The following CADM2 variants were observed in gnomAD, a reference collection of about 807,000 sequenced individuals.
CADM2 encodes cell adhesion molecule 2.
CADM2 carries 12 observed loss-of-function variants against 49.8 expected under a neutral mutation model. The ratio of observed to expected loss-of-function variants is 0.24; its 90% confidence interval spans 0.15 to 0.39. The LOEUF is 0.39. Ranked by LOEUF, CADM2 falls within the 10% of genes least tolerant of loss-of-function variation. The probability of loss-of-function intolerance (pLI) is 1.00; values close to 1 mark genes in which losing one functional copy is unlikely to be tolerated. For synonymous variants in CADM2, 214 were observed against 175.4 expected (o/e 1.22, Z -1.74); for missense variants, 378 against 492.3 (o/e 0.77, Z 2.20).
At chr3:85,882,308 C>T (rs1436176197) in intron 3 of CADM2, among the ~76,000 whole-genome samples, 1 of 152,128 alleles carries the variant, frequency 6.6e-6, no homozygotes, top group African/African-American at 2.4e-5. Flanking sequence ...AAGGCTCCTA[C>T]TTCATTCTCC....
intron 1 of CADM2, among the ~76,000 whole-genome samples, chr3:85,111,150 A>C (rs1208443543): frequency 6.6e-6 from 1 of 151,906 alleles, no homozygotes; most frequent in Non-Finnish European, 1.5e-5. Flanking sequence ...CCTTCTTGTT[A>C]ATATTTCAAA....
intron 2 of CADM2, among the ~76,000 whole-genome samples, chr3:85,786,345 A>G (rs552480946): frequency 2.6e-5 from 4 of 152,122 alleles, no homozygotes; most frequent in Non-Finnish European, 5.9e-5. Flanking sequence ...GTAGAAATCT[A>G]TACAAAGTAC....
At chr3:85,523,774 G>A (rs892176976) in intron 1 of CADM2, among the ~76,000 whole-genome samples, 1 of 151,836 alleles carries the variant, frequency 6.6e-6, no homozygotes, top group Admixed American at 6.6e-5. Context: ...CATTATTAAA[G>A]TATAGAACAA....
intron 3 of CADM2, among the ~76,000 whole-genome samples, chr3:85,864,729 T>C (rs960074007): frequency 2.0e-5 from 3 of 152,252 alleles, no homozygotes; most frequent in Non-Finnish European, 4.4e-5. Context: ...TCTTACTTTA[T>C]GTCAATGGAA....
chr3:85,804,937 T>C (rs1030467797), intron 3 of CADM2, among the ~76,000 whole-genome samples: 3 of 152,156 alleles, frequency 2.0e-5, no homozygotes, highest in African/African-American at 7.2e-5. Flanking sequence ...TGTTGAAGTA[T>C]GCACTTTTTT....
chr3:85,392,778 T>C (rs535825033), intron 1 of CADM2, among the ~76,000 whole-genome samples: 3 of 152,268 alleles, frequency 2.0e-5, no homozygotes, highest in Non-Finnish European at 2.9e-5. Context: ...TTAAATCCTA[T>C]ACTTAATAAA....
At chr3:85,940,388 T>C (rs1356217106) in intron 7 of CADM2, among the ~76,000 whole-genome samples, 1 of 151,906 alleles carries the variant, frequency 6.6e-6, no homozygotes, top group Non-Finnish European at 1.5e-5. Context: ...TTTCTTAGCC[T>C]AACATGTACC....
At chr3:85,929,334 A>G (rs1720305480) in intron 6 of CADM2, among the ~76,000 whole-genome samples, 1 of 152,100 alleles carries the variant, frequency 6.6e-6, no homozygotes, top group African/African-American at 2.4e-5. Flanking sequence ...ATCATTTGAA[A>G]TATGTTTAAA....
chr3:85,532,134 G>A (rs1223357356), intron 1 of CADM2, among the ~76,000 whole-genome samples: 3 of 152,058 alleles, frequency 2.0e-5, no homozygotes, highest in Non-Finnish European at 4.4e-5. Context: ...CCGAGATCCC[G>A]CCATTGCACT....
intron 1 of CADM2, among the ~76,000 whole-genome samples, chr3:85,079,723 A>G (rs1355988999): frequency 6.6e-6 from 1 of 151,960 alleles, no homozygotes; most frequent in Non-Finnish European, 1.5e-5. Context: ...AAAAAAAATT[A>G]CATAGCAATA....
At chr3:85,068,128 T>A (rs576702580) in intron 1 of CADM2, among the ~76,000 whole-genome samples, 1 of 152,324 alleles carries the variant, frequency 6.6e-6, no homozygotes, top group East Asian at 1.9e-4. Flanking sequence ...CATTTCCATG[T>A]CCTGATGTTG....
At chr3:85,535,246 A>G (rs1294027975) in intron 1 of CADM2, among the ~76,000 whole-genome samples, 2 of 152,166 alleles carry the variant, frequency 1.3e-5, no homozygotes, top group African/African-American at 4.8e-5. Flanking sequence ...AAAACAACAA[A>G]CATTACAAAG....
chr3:85,876,172 G>C (rs140821359), intron 3 of CADM2, among the ~76,000 whole-genome samples: 1 of 152,132 alleles, frequency 6.6e-6, no homozygotes, highest in African/African-American at 2.4e-5. Context: ...AGTCTTATGA[G>C]TGTAAATGTT....
At chr3:85,585,089 A>G (rs1046551180) in intron 1 of CADM2, among the ~76,000 whole-genome samples, 1 of 151,968 alleles carries the variant, frequency 6.6e-6, no homozygotes, top group African/African-American at 2.4e-5. Flanking sequence ...TGCCATTCTG[A>G]GCAGCGTAAT....
chr3:85,967,345 A>G (rs1725605935), intron 8 of CADM2, among the ~76,000 whole-genome samples: 1 of 151,676 alleles, frequency 6.6e-6, no homozygotes, highest in Non-Finnish European at 1.5e-5. Context: ...TCCATCTATC[A>G]TATTTTTCAA....
rs972295720 is a variant in CADM2, at chr3:85,521,864, G to A, written c.62-204658G>A. Reference sequence around the variant, plus strand: ...GTATTCTTGGTGGTGATACTCAGTAGCTGAAAATGAATGCTGCACTGAACC... The same window carrying A: ...GTATTCTTGGTGGTGATACTCAGTAACTGAAAATGAATGCTGCACTGAACC... On this transcript the variant is annotated intron_variant, in intron 1 of 9. Transcript: ENST00000383699. Among the ~76,000 whole-genome samples, 37 of 152,026 alleles carry A rather than the reference G, an allele frequency of 2.4e-4. 1 individual carries two copies. Among genetic ancestry groups the A allele is most frequent in the Non-Finnish European group, 5.9e-5 (4 of 67,994 alleles).
chr3:85,689,312 T>G (rs1446584770), intron 1 of CADM2, among the ~76,000 whole-genome samples: 1 of 152,210 alleles, frequency 6.6e-6, no homozygotes, highest in Non-Finnish European at 1.5e-5. Context: ...CAGTTCATTG[T>G]ATATAATTTT....
intron 2 of CADM2, among the ~76,000 whole-genome samples, chr3:85,766,961 C>G (rs2069686242): frequency 6.6e-6 from 1 of 152,026 alleles, no homozygotes; most frequent in Non-Finnish European, 1.5e-5. Context: ...CACTTTTTGT[C>G]ATAGATTAGC....
chr3:85,218,479 A>T (rs914869872), intron 1 of CADM2, among the ~76,000 whole-genome samples: 2 of 152,116 alleles, frequency 1.3e-5, no homozygotes, highest in African/African-American at 2.4e-5. Flanking sequence ...AGAGAAATGT[A>T]CTTATATCAT....
Sources: allele counts gnomAD v4.1 joint callset (sites outside exome capture counted in the v4.1 genomes callset), GRCh38; gene constraint gnomAD v4.1.1; transcripts MANE v1.5; gene names NCBI Gene and HGNC (gene_info 2026-07-23, HGNC 2026-07-21).